PDE4D: variants seen among roughly 807,000 people sequenced by gnomAD.
PDE4D encodes the protein 3',5'-cyclic-AMP phosphodiesterase 4D.
Under a neutral mutation model 87.4 loss-of-function variants are expected in PDE4D, and 24 were observed. The ratio of observed to expected loss-of-function variants is 0.27; its 90% CI spans 0.20 to 0.39. The LOEUF (loss-of-function observed/expected upper bound fraction) is 0.39, where lower values mean the gene tolerates loss of function less well. Ranked by LOEUF, PDE4D falls within the 10% of genes least tolerant of loss-of-function variation. The probability of loss-of-function intolerance (pLI) is 1.00; values close to 1 mark genes in which losing one functional copy is unlikely to be tolerated. For synonymous variants in PDE4D, 384 were observed against 383.2 expected, an observed-to-expected ratio of 1.00 and a Z score of -0.02; for missense variants, 714 against 1,041.0, an observed-to-expected ratio of 0.69 and a Z score of 4.32.
At chr5:60,051,370 A>C (rs1028699367) in intron 2 of PDE4D, among the ~76,000 whole-genome samples, 3 of 152,240 alleles carry the variant, frequency 2.0e-5, no homozygotes, top group Admixed American at 6.5e-5. Flanking sequence ...ATTAGAACTC[A>C]GGATTAAGAA....
intron 1 of PDE4D, among the ~76,000 whole-genome samples, chr5:59,645,651 A>G (rs1742319159): frequency 6.6e-6 from 1 of 152,132 alleles, no homozygotes; most frequent in Non-Finnish European, 1.5e-5. Context: ...CCCAGAGATC[A>G]CTCCAAAATC....
intron 1 of PDE4D, among the ~76,000 whole-genome samples, chr5:59,739,531 G>T (rs1383251606): frequency 6.6e-6 from 1 of 152,082 alleles, no homozygotes; most frequent in Non-Finnish European, 1.5e-5. Flanking sequence ...AAAAATATTT[G>T]CAGCCTCAAT....
rs559319396 is a variant in PDE4D, at chr5:59,941,202, G to T, written c.272+47286C>A. ...TGCTATCAGGGAGGTACATCTTTGG[G>T]TATGTCCACAGACAGCCCAGCCGGC... On this transcript the variant is annotated intron_variant, in intron 3 of 16. Transcript: ENST00000502484. 7.9e-5 allele frequency among the ~76,000 whole-genome samples: 12 copies of T among 152,178 alleles called. No individual in the cohort carries two copies. In the South Asian group the frequency reaches 2.3e-3, roughly 29 times the overall value.
intron 2 of PDE4D, among the ~76,000 whole-genome samples, chr5:60,029,918 A>G (rs908480461): frequency 1.3e-5 from 2 of 152,096 alleles, no homozygotes; most frequent in African/African-American, 2.4e-5. Flanking sequence ...AGACGGGGGA[A>G]TTTCTCATAC....
intron 1 of PDE4D, among the ~76,000 whole-genome samples, chr5:60,481,432 C>A (rs1561302892): frequency 6.6e-6 from 1 of 152,038 alleles, no homozygotes. Flanking sequence ...AATCTTCTAG[C>A]TTCTGAAAAA....
At chr5:59,299,784 A>C (rs1257033561) in intron 1 of PDE4D, among the ~76,000 whole-genome samples, 1 of 152,088 alleles carries the variant, frequency 6.6e-6, no homozygotes, top group African/African-American at 2.4e-5. Context: ...ATAAAACGCC[A>C]TGGGGTAGAT....
chr5:59,006,335 C>A (rs569075949), intron 6 of PDE4D, among the ~76,000 whole-genome samples: 1 of 152,146 alleles, frequency 6.6e-6, no homozygotes, highest in East Asian at 1.9e-4. Context: ...GAGGCCAATG[C>A]GGGAGGATTG....
At chr5:59,794,167 ACACACACACACACAGAC>A (rs1445192179) in intron 1 of PDE4D, among the ~76,000 whole-genome samples, 1 of 151,300 alleles carries the variant, frequency 6.6e-6, no homozygotes, top group Non-Finnish European at 1.5e-5. Flanking sequence ...ACACACACAC[ACACACACACACACAGAC>A]AACTCTAGCT....
intron 1 of PDE4D, among the ~76,000 whole-genome samples, chr5:59,614,487 T>C (rs567776151): frequency 6.6e-6 from 1 of 152,376 alleles, no homozygotes; most frequent in East Asian, 1.9e-4. Context: ...GCATTGCTTC[T>C]ATTATTGCAT....
chr5:59,466,484 C>T (rs116809839), intron 1 of PDE4D, among the ~76,000 whole-genome samples: 2,830 of 152,240 alleles, frequency 0.019, 91 homozygotes, highest in African/African-American at 0.065. Context: ...CATTTCCTTT[C>T]GCCAGAATGC....
At chr5:59,559,235 A>G (rs60873645) in intron 1 of PDE4D, among the ~76,000 whole-genome samples, 153 of 152,322 alleles carry the variant, frequency 1.0e-3, no homozygotes, top group African/African-American at 3.6e-3. Context: ...CTTTTGAGCA[A>G]AAATATTGAT....
chr5:60,324,550 A>C (rs1756606281), intron 1 of PDE4D, among the ~76,000 whole-genome samples: 1 of 152,234 alleles, frequency 6.6e-6, no homozygotes, highest in African/African-American at 2.4e-5. Context: ...AGGCGGGAGA[A>C]TCACTTGAAC....
intron 1 of PDE4D, among the ~76,000 whole-genome samples, chr5:59,772,462 C>A (rs1251216344): frequency 1.3e-5 from 2 of 152,196 alleles, no homozygotes; most frequent in African/African-American, 4.8e-5. Context: ...TTCCTAGATA[C>A]CTCTTTGTGG....
chr5:59,809,430 CA>C (rs1237001541), intron 1 of PDE4D, among the ~76,000 whole-genome samples: 2 of 152,026 alleles, frequency 1.3e-5, no homozygotes, highest in Non-Finnish European at 1.5e-5. Context: ...GAAGGAACTA[CA>C]AAATACAAAT....
chr5:59,327,087 C>T (rs773477158), intron 1 of PDE4D, among the ~76,000 whole-genome samples: 4 of 149,408 alleles, frequency 2.7e-5, no homozygotes, highest in Non-Finnish European at 4.4e-5. Flanking sequence ...AATGAATGGA[C>T]ACATTATTAT....
chr5:60,177,515 GACAA>G (rs1442346830), intron 2 of PDE4D, among the ~76,000 whole-genome samples: 1 of 152,102 alleles, frequency 6.6e-6, no homozygotes, highest in African/African-American at 2.4e-5. Context: ...ATGAATGTCC[GACAA>G]ACAGAGGCAG....
At chr5:59,556,825 C>A (rs1339432571) in intron 1 of PDE4D, among the ~76,000 whole-genome samples, 1 of 151,714 alleles carries the variant, frequency 6.6e-6, no homozygotes, top group African/African-American at 2.4e-5. Context: ...AAATCCTTTT[C>A]TAAATAGGCA....
intron 1 of PDE4D, among the ~76,000 whole-genome samples, chr5:59,426,154 A>G (rs1365073534): frequency 6.6e-6 from 1 of 152,178 alleles, no homozygotes; most frequent in Non-Finnish European, 1.5e-5. Context: ...CCAGAGTCCT[A>G]AGGAGAAGCC....
chr5:59,206,768 A>C (rs2153500402), intron 2 of PDE4D, among the ~76,000 whole-genome samples: 1 of 152,312 alleles, frequency 6.6e-6, no homozygotes, highest in Non-Finnish European at 1.5e-5. Flanking sequence ...TCATTCAAAA[A>C]TGCACATCAA....
Sources: gnomAD v4.1 joint callset for allele counts (sites outside exome capture counted in the v4.1 genomes callset) on GRCh38, gnomAD v4.1.1 for gene constraint, MANE v1.5 for transcripts, NCBI Gene and HGNC (gene_info 2026-07-23, HGNC 2026-07-21) for gene names.